The following NRG2 variants were observed in gnomAD, a reference collection of about 807,000 sequenced individuals.
NRG2 encodes the protein pro-neuregulin-2, membrane-bound isoform.
Under a neutral mutation model 73.9 loss-of-function variants are expected in NRG2, and 27 were observed. The ratio of observed to expected loss-of-function variants is 0.37; its 90% CI spans 0.27 to 0.50. NRG2 has a LOEUF of 0.50. Ranked by LOEUF, NRG2 falls within the 20% of genes least tolerant of loss-of-function variation. The probability of loss-of-function intolerance (pLI) is 0.96; values close to 1 mark genes in which losing one functional copy is unlikely to be tolerated. For missense variants in NRG2, 1,126 were observed against 1,210.1 expected (o/e 0.93, Z 1.03); for synonymous variants, 532 against 541.0 (o/e 0.98, Z 0.23).
At chr5:140,010,775 A>G (rs1217638884) in intron 1 of NRG2, among the ~76,000 whole-genome samples, 4 of 152,198 alleles carry the variant, frequency 2.6e-5, no homozygotes, top group African/African-American at 9.7e-5. Context: ...CTCATGCTGT[A>G]TTGGGTACTT....
intron 1 of NRG2, among the ~76,000 whole-genome samples, chr5:140,006,451 T>C (rs1480273920): frequency 6.6e-6 from 1 of 152,218 alleles, no homozygotes; most frequent in Non-Finnish European, 1.5e-5. Flanking sequence ...TTCGAGGAAT[T>C]AACCTAAGGA....
chr5:139,891,198 C>T (rs1764192294), intron 1 of NRG2, among the ~76,000 whole-genome samples: 1 of 152,204 alleles, frequency 6.6e-6, no homozygotes, highest in Non-Finnish European at 1.5e-5. Context: ...GACATGAGTT[C>T]CAGTGCTGTA....
At chr5:139,919,773 T>A (rs1183930174) in intron 1 of NRG2, among the ~76,000 whole-genome samples, 1 of 152,190 alleles carries the variant, frequency 6.6e-6, no homozygotes, top group African/African-American at 2.4e-5. Context: ...CATGCAACAC[T>A]AAGCAACCAC....
chr5:140,031,813 T>C (rs1296937026), intron 1 of NRG2, among the ~76,000 whole-genome samples: 5 of 152,148 alleles, frequency 3.3e-5, no homozygotes, highest in African/African-American at 1.2e-4. Flanking sequence ...TTAAGGATGC[T>C]GAGTGCCAGA....
intron 5 of NRG2, among the ~76,000 whole-genome samples, chr5:139,862,405 G>C (rs1353433874): frequency 6.6e-6 from 1 of 152,232 alleles, no homozygotes; most frequent in East Asian, 1.9e-4. Context: ...CCCCAGCAAA[G>C]ACAAGACCTT....
intron 1 of NRG2, among the ~76,000 whole-genome samples, chr5:139,944,850 G>C (rs1399047303): frequency 1.3e-5 from 2 of 152,142 alleles, no homozygotes; most frequent in Non-Finnish European, 2.9e-5. Flanking sequence ...CATAGTGGCT[G>C]TACTAGTTTG....
At chr5:140,030,645 A>G (rs190447160) in intron 1 of NRG2, among the ~76,000 whole-genome samples, 10 of 152,350 alleles carry the variant, frequency 6.6e-5, no homozygotes, top group Non-Finnish European at 1.3e-4. Flanking sequence ...AAATACGGAA[A>G]GCTCACTTCC....
chr5:139,864,565 GC>G (rs1561635375), intron 5 of NRG2, among the ~76,000 whole-genome samples: 1 of 150,430 alleles, frequency 6.6e-6, no homozygotes, highest in African/African-American at 2.5e-5. Context: ...ACCAACCCCC[GC>G]CCCCTCTCCC....
At chr5:139,880,122 A>G (rs1763431919) in intron 3 of NRG2, among the ~76,000 whole-genome samples, 1 of 152,014 alleles carries the variant, frequency 6.6e-6, no homozygotes. Context: ...TGGGGGGAGG[A>G]GAGTGATCTG....
chr5:140,001,560 T>G (rs1301629109), intron 1 of NRG2, among the ~76,000 whole-genome samples: 3 of 152,166 alleles, frequency 2.0e-5, no homozygotes, highest in African/African-American at 7.2e-5. Context: ...CCAAGCACTA[T>G]TCTAAATACT....
At chr5:139,903,773 G>C (rs1221017821) in intron 1 of NRG2, among the ~76,000 whole-genome samples, 1 of 152,250 alleles carries the variant, frequency 6.6e-6, no homozygotes, top group East Asian at 1.9e-4. Context: ...GTTCGCGAGC[G>C]GGGCAGGGCA....
At chr5:139,948,082 AC>A (rs1753927168) in intron 1 of NRG2, among the ~76,000 whole-genome samples, 4 of 151,814 alleles carry the variant, frequency 2.6e-5, no homozygotes, top group Admixed American at 2.6e-4. Context: ...CTCCTCCCCC[AC>A]CCAACCCCTG....
chr5:139,888,463 G>A (rs1039407211), intron 1 of NRG2, among the ~76,000 whole-genome samples: 2 of 152,204 alleles, frequency 1.3e-5, no homozygotes, highest in Non-Finnish European at 2.9e-5. Flanking sequence ...TTCTCTCTGT[G>A]AGATGGTTAA....
intron 1 of NRG2, among the ~76,000 whole-genome samples, chr5:140,023,358 C>T (rs1224439158): frequency 6.6e-6 from 1 of 152,196 alleles, no homozygotes; most frequent in Non-Finnish European, 1.5e-5. Flanking sequence ...TTTGGCCTAG[C>T]ACCCTATCCC....
intron 1 of NRG2, among the ~76,000 whole-genome samples, chr5:139,943,577 G>A (rs1221937310): frequency 1.3e-5 from 2 of 152,168 alleles, no homozygotes; most frequent in African/African-American, 4.8e-5. Flanking sequence ...TGGTAATATT[G>A]ACATATATTA....
chr5:139,951,898 C>T (rs1255504500), intron 1 of NRG2, among the ~76,000 whole-genome samples: 1 of 152,202 alleles, frequency 6.6e-6, no homozygotes, highest in African/African-American at 2.4e-5. Context: ...CCAGGTCATG[C>T]AGTGGCCAGC....
chr5:139,944,623 T>C (rs1753667920), intron 1 of NRG2, among the ~76,000 whole-genome samples: 1 of 152,216 alleles, frequency 6.6e-6, no homozygotes, highest in African/African-American at 2.4e-5. Flanking sequence ...TATTCCATTG[T>C]GTGTATGTAC....
rs541388365 is a variant in NRG2, at chr5:139,936,790, T to A, written c.701-49279A>T. ...TTCAGGAAATAAAGATTTTTAAAAATTTTTTAAATTTTCATTACTATTATT... is the reference window on the plus strand; with the variant it reads ...TTCAGGAAATAAAGATTTTTAAAAAATTTTTAAATTTTCATTACTATTATT... On this transcript the variant is annotated intron_variant, in intron 1 of 9. Coordinates refer to ENST00000361474, the MANE Select transcript of NRG2 (RefSeq NM_004883.3). Among the ~76,000 whole-genome samples the A allele has an allele frequency of 4.6e-5, 7 of 152,320 alleles. No individual in the cohort carries two copies. The Middle Eastern group carries it at 0.01, about 222-fold the overall frequency.
chr5:139,937,737 T>A (rs919591821), intron 1 of NRG2, among the ~76,000 whole-genome samples: 2 of 152,224 alleles, frequency 1.3e-5, no homozygotes, highest in East Asian at 3.8e-4. Context: ...ACCATATCAT[T>A]TGCAATAGCA....
Sources: gnomAD v4.1 joint callset for allele counts (sites outside exome capture counted in the v4.1 genomes callset) on GRCh38, gnomAD v4.1.1 for gene constraint, MANE v1.5 for transcripts, NCBI Gene and HGNC (gene_info 2026-07-23, HGNC 2026-07-21) for gene names.